The following ZNF804A variants were observed in gnomAD, a reference collection of about 807,000 sequenced individuals.
The protein encoded by ZNF804A is zinc finger protein 804A.
ZNF804A carries 2 observed loss-of-function variants against 16.5 expected under a neutral mutation model. The observed-to-expected ratio is 0.12, with a 90% CI of 0.05 to 0.38. ZNF804A has a LOEUF of 0.38. ZNF804A is among the 10% of genes least tolerant of loss of function. ZNF804A has a pLI of 0.99. For missense variants in ZNF804A, 1,473 were observed against 1,390.7 expected (o/e 1.06, Z -0.94); for synonymous variants, 534 against 489.6 (o/e 1.09, Z -1.20).
chr2:184,770,819 A>G (rs1694198811), intron 1 of ZNF804A, among the ~76,000 whole-genome samples: 1 of 152,034 alleles, frequency 6.6e-6, no homozygotes, highest in Non-Finnish European at 1.5e-5. Context: ...CATGAGTAGA[A>G]CTATTGTGGA....
intron 1 of ZNF804A, among the ~76,000 whole-genome samples, chr2:184,710,455 A>C (rs994653373): frequency 5.3e-5 from 8 of 151,590 alleles, no homozygotes; most frequent in Non-Finnish European, 8.9e-5. Context: ...CTGAAAGCAA[A>C]TACCTTATAA....
intron 1 of ZNF804A, among the ~76,000 whole-genome samples, chr2:184,709,620 T>G (rs979231063): frequency 1.3e-5 from 2 of 151,580 alleles, no homozygotes; most frequent in Non-Finnish European, 2.9e-5. Context: ...AAACCTCGAG[T>G]CTTCTCTCAG....
At chr2:184,832,038 A>G (rs776007767) in intron 1 of ZNF804A, among the ~76,000 whole-genome samples, 1 of 152,078 alleles carries the variant, frequency 6.6e-6, no homozygotes, top group African/African-American at 2.4e-5. Context: ...TATTCTCTGT[A>G]GGGCTTTTAT....
At chr2:184,835,490 A>C (rs183492124) in intron 1 of ZNF804A, among the ~76,000 whole-genome samples, 1 of 152,236 alleles carries the variant, frequency 6.6e-6, no homozygotes, top group African/African-American at 2.4e-5. Flanking sequence ...ACTGGTGGGC[A>C]TGTCTTATGA....
rs1685774443 is a variant in ZNF804A at position 184,935,766 on chromosome 2, T to G, written c.387-17T>G. On this transcript the variant is annotated splice_polypyrimidine_tract_variant and intron_variant, in intron 3 of 3. Coordinates refer to ENST00000302277, the MANE Select transcript of ZNF804A (RefSeq NM_194250.2). ...AAAAGTGTGCTATTTAACACATGCT[T>G]CTGTTTCTCTCTCTAGTGCTCCTGG... The G allele has an allele frequency of 1.3e-6, 2 of 1,559,810 alleles. No homozygotes were observed. The highest frequency in any genetic ancestry group is 1.4e-5 in the African/African-American group (1 of 72,532).
At chr2:184,621,263 C>G (rs979338578) in intron 1 of ZNF804A, among the ~76,000 whole-genome samples, 4 of 151,568 alleles carry the variant, frequency 2.6e-5, no homozygotes, top group African/African-American at 9.7e-5. Flanking sequence ...TGGGATAAAA[C>G]TTAGAAATTG....
chr2:184,912,944 A>T (rs1207723068), intron 2 of ZNF804A, among the ~76,000 whole-genome samples: 1 of 152,034 alleles, frequency 6.6e-6, no homozygotes, highest in Non-Finnish European at 1.5e-5. Context: ...ATGAAGTCCC[A>T]TTAATATATT....
chr2:184,815,153 A>G (rs1244913451), intron 1 of ZNF804A, among the ~76,000 whole-genome samples: 2 of 152,022 alleles, frequency 1.3e-5, no homozygotes, highest in African/African-American at 4.8e-5. Context: ...TGAGTGATAC[A>G]GTGAAGTTAG....
At chr2:184,811,510 G>A (rs1320541722) in intron 1 of ZNF804A, among the ~76,000 whole-genome samples, 1 of 151,950 alleles carries the variant, frequency 6.6e-6, no homozygotes. Context: ...AAAATATATA[G>A]AGCATAAAAA....
rs79792096 is a variant in ZNF804A, at chr2:184,695,629, G to C, written c.111+96559G>C. Among the ~76,000 whole-genome samples, 73 of 151,848 alleles carry C rather than the reference G, an allele frequency of 4.8e-4. 1 individual carries two copies. In the East Asian group the frequency reaches 0.013, roughly 28 times the overall value. On this transcript the variant is annotated intron_variant, in intron 1 of 3. Coordinates refer to ENST00000302277, the MANE Select transcript of ZNF804A (RefSeq NM_194250.2). The stretch of plus-strand genomic sequence containing the variant: ...GATGGGGTCTTGCCATATTACCCGG[G>C]CTGGTCTTGAACTCTTGGCCAAAAG...
intron 1 of ZNF804A, among the ~76,000 whole-genome samples, chr2:184,745,726 GA>G (rs11355073): frequency 0.14 from 20,941 of 146,718 alleles, 1,568 homozygotes; most frequent in Middle Eastern, 0.24. Flanking sequence ...TGTCTGAAGT[GA>G]AAAAAAAAAG....
intron 1 of ZNF804A, among the ~76,000 whole-genome samples, chr2:184,603,481 T>C (rs1345854614): frequency 1.3e-5 from 2 of 152,194 alleles, no homozygotes; most frequent in African/African-American, 4.8e-5. Context: ...TAGTTTTCAT[T>C]ATTGAATATA....
intron 2 of ZNF804A, among the ~76,000 whole-genome samples, chr2:184,894,780 G>A (rs1475715731): frequency 1.3e-5 from 2 of 152,036 alleles, no homozygotes; most frequent in Non-Finnish European, 2.9e-5. Context: ...TCGCCTCCCA[G>A]GTTCACGCCG....
At chr2:184,729,240 A>C (rs1445877688) in intron 1 of ZNF804A, among the ~76,000 whole-genome samples, 1 of 151,964 alleles carries the variant, frequency 6.6e-6, no homozygotes, top group Non-Finnish European at 1.5e-5. Flanking sequence ...TGATTTAGCT[A>C]TTCTACAATG....
chr2:184,734,095 G>A (rs1693569448), intron 1 of ZNF804A, among the ~76,000 whole-genome samples: 1 of 151,808 alleles, frequency 6.6e-6, no homozygotes, highest in Admixed American at 6.6e-5. Context: ...ATTATTTTGA[G>A]ATAGGATCTT....
chr2:184,614,772 C>A (rs948113564), intron 1 of ZNF804A, among the ~76,000 whole-genome samples: 1 of 151,998 alleles, frequency 6.6e-6, no homozygotes, highest in Admixed American at 6.6e-5. Context: ...ATGTGACCAA[C>A]AAACATGAAA....
intron 2 of ZNF804A, among the ~76,000 whole-genome samples, chr2:184,905,095 G>C (rs200689660): frequency 2.9e-5 from 1 of 33,932 alleles, no homozygotes; most frequent in Non-Finnish European, 8.7e-5. Flanking sequence ...TAGAGTGTCT[G>C]TGTGTGTGTG....
At chr2:184,744,914 G>A (rs1274309264) in intron 1 of ZNF804A, among the ~76,000 whole-genome samples, 1 of 151,656 alleles carries the variant, frequency 6.6e-6, no homozygotes, top group East Asian at 1.9e-4. Context: ...TCCTAATCAT[G>A]TGGGATGAAA....
At chr2:184,695,532 C>G (rs1692818275) in intron 1 of ZNF804A, among the ~76,000 whole-genome samples, 1 of 145,990 alleles carries the variant, frequency 6.8e-6, no homozygotes, top group Non-Finnish European at 1.5e-5. Context: ...CAGGGTCTCA[C>G]TCTGTTTTGT....
Sources: gnomAD v4.1 joint callset for allele counts (sites outside exome capture counted in the v4.1 genomes callset) on GRCh38, gnomAD v4.1.1 for gene constraint, MANE v1.5 for transcripts, NCBI Gene and HGNC (gene_info 2026-07-23, HGNC 2026-07-21) for gene names.